P2RX6: variants seen among roughly 807,000 people sequenced by gnomAD.
P2RX6 encodes the protein purinergic receptor P2X 6.
A neutral mutation model predicts 54.2 loss-of-function variants in P2RX6; 62 were observed. The ratio of observed to expected loss-of-function variants is 1.14; its 90% CI spans 0.93 to 1.41. P2RX6 has a LOEUF of 1.41. Among genes scored for constraint, P2RX6 ranks in the 40% most tolerant of loss-of-function variants. P2RX6 has a pLI of 0.00. For missense variants in P2RX6, 541 were observed against 566.3 expected, an observed-to-expected ratio of 0.96 and a Z score of 0.45; for synonymous variants, 211 against 231.9, an observed-to-expected ratio of 0.91 and a Z score of 0.82.
chr22:21,021,484 A>G (rs1333372001), intron 3 of P2RX6, among the ~76,000 whole-genome samples: 1 of 152,124 alleles, frequency 6.6e-6, no homozygotes, highest in African/African-American at 2.4e-5. Context: ...GGAGAGGCAG[A>G]CACAGGACAT....
At chr22:21,012,523 C>A, upstream of P2RX6, 1 of 601,550 alleles carries the variant, frequency 1.7e-6, no homozygotes, top group South Asian at 1.6e-5. Flanking sequence ...GACCCAGCAC[C>A]TACCGCAGAT....
At chr22:21,015,137 C>T (rs529783593), upstream of P2RX6, 16 of 1,352,736 alleles carry the variant, frequency 1.2e-5, no homozygotes, top group Middle Eastern at 2.3e-4. Flanking sequence ...CCTGCTTTGC[C>T]TCCTGTTCAG....
At chr22:21,025,599 C>T (rs112983932) in intron 8 of P2RX6, among the ~76,000 whole-genome samples, 13 of 152,366 alleles carry the variant, frequency 8.5e-5, no homozygotes, top group African/African-American at 2.9e-4. Flanking sequence ...GTCCCCCGTC[C>T]TCTCAGCAGG....
upstream of P2RX6, among the ~76,000 whole-genome samples, chr22:21,014,474 C>G (rs1231205740): frequency 1.3e-5 from 2 of 152,218 alleles, no homozygotes; most frequent in Non-Finnish European, 2.9e-5. Flanking sequence ...ATAAACTGCA[C>G]GCGCCACGGG....
intron 5 of P2RX6, 29 bp downstream of exon 5, chr22:21,023,064 A>G (rs1250306615): frequency 6.2e-7 from 1 of 1,608,466 alleles, no homozygotes; most frequent in South Asian, 1.1e-5. Flanking sequence ...CCCTACCCCA[A>G]CTGGCGCAGG....
intron 3 of P2RX6, among the ~76,000 whole-genome samples, chr22:21,022,470 C>T (rs370847960): frequency 6.6e-6 from 1 of 152,200 alleles, no homozygotes; most frequent in African/African-American, 2.4e-5. Context: ...GCTCCGCTCC[C>T]TCCTCTGACC....
chr22:21,024,194 G>A (rs931213582), intron 8 of P2RX6, among the ~76,000 whole-genome samples: 10 of 151,570 alleles, frequency 6.6e-5, no homozygotes, highest in Non-Finnish European at 1.5e-4. Context: ...CCTGACCTCA[G>A]GTGATCCACC....
At chr22:21,024,791 G>A (rs138356860) in intron 8 of P2RX6, among the ~76,000 whole-genome samples, 19,912 of 148,546 alleles carry the variant, frequency 0.13, 1,777 homozygotes, top group Non-Finnish European at 0.19. Context: ...GGCTGGTCTC[G>A]AACTTCTGAC....
chr22:21,023,069 C>G, intron 5 of P2RX6, 34 bp downstream of exon 5: 2 of 1,608,248 alleles, frequency 1.2e-6, no homozygotes, highest in Non-Finnish European at 1.7e-6. Flanking sequence ...CCCCAACTGG[C>G]GCAGGGCCCC....
intron 2 of P2RX6, 98 bp downstream of exon 2, chr22:21,016,190 T>A: frequency 3.1e-6 from 4 of 1,271,688 alleles, no homozygotes; most frequent in Non-Finnish European, 4.4e-6. Flanking sequence ...GAGAAGCATG[T>A]GATGCCAGAG....
upstream of P2RX6, chr22:21,011,531 G>GGGC (rs1210703405): frequency 1.4e-6 from 1 of 714,282 alleles, no homozygotes; most frequent in Non-Finnish European, 2.6e-6. Context: ...TTCACTGTGA[G>GGGC]GGCGGCACAG....
chr22:21,023,666 C>T, intron 8 of P2RX6, 48 bp downstream of exon 8: 1 of 1,401,134 alleles, frequency 7.1e-7, no homozygotes, highest in Non-Finnish European at 9.9e-7. Flanking sequence ...CCATCGCCCT[C>T]TCACTGTGGC....
upstream of P2RX6, among the ~76,000 whole-genome samples, chr22:21,010,555 T>C (rs1925680625): frequency 6.6e-6 from 1 of 152,116 alleles, no homozygotes; most frequent in African/African-American, 2.4e-5. Flanking sequence ...AAAATGCAGA[T>C]TCACTGGCAT....
chr22:21,011,615 C>G (rs769351992), upstream of P2RX6: 5 of 712,212 alleles, frequency 7.0e-6, no homozygotes, highest in Non-Finnish European at 1.3e-5. Context: ...CACTCCTCAG[C>G]CAGTGGGATG....
upstream of P2RX6, among the ~76,000 whole-genome samples, chr22:21,011,021 A>G (rs559880926): frequency 2.0e-3 from 302 of 152,222 alleles, 1 homozygote; most frequent in South Asian, 0.017. Flanking sequence ...TCTTTAAAGC[A>G]GGGGGTCCCC....
upstream of P2RX6, among the ~76,000 whole-genome samples, chr22:21,014,516 C>A (rs1926012524): frequency 6.6e-6 from 1 of 152,192 alleles, no homozygotes; most frequent in African/African-American, 2.4e-5. Context: ...TTGTGGGCAT[C>A]CTCCCTGCCT....
chr22:21,015,407 G>T, intron 1 of P2RX6, 69 bp downstream of exon 1: 3 of 1,485,250 alleles, frequency 2.0e-6, no homozygotes, highest in Non-Finnish European at 1.8e-6. Flanking sequence ...GCTTGGTCCT[G>T]CTGGGTTGAA....
rs768671173 is a variant in P2RX6, at chr22:21,026,110, C to T, written c.1050+34C>T. ...GAGCACTGTGGGCACCTGCAGGCTG[C>T]AGTGAGTGCTGCTGACCAGGGTGTG... On this transcript the variant is annotated intron_variant, in intron 10 of 11. Coordinates refer to ENST00000413302, the MANE Select transcript of P2RX6 (RefSeq NM_005446.5). The surrounding 1 kb of genome is among the most constrained non-coding windows in gnomAD (Gnocchi z 4.0). The T allele has an allele frequency of 1.3e-6, 2 of 1,590,600 alleles. No homozygotes were observed. The highest frequency in any genetic ancestry group is 1.7e-5 in the Admixed American group (1 of 57,222).
At position 21,022,294 on chromosome 22, in the gene P2RX6, A is replaced by G. The variant is rs542737270; in HGVS notation, c.388-382A>G. ...AATACTGAGGTGAGAGGATTGCTTAAGCCCGGGAGGGCGAGGCTGTAGTGA... is the reference window on the plus strand; with the variant it reads ...AATACTGAGGTGAGAGGATTGCTTAGGCCCGGGAGGGCGAGGCTGTAGTGA... On this transcript the variant is annotated intron_variant, in intron 3 of 11. Transcript: ENST00000413302. Among the ~76,000 whole-genome samples, 7 of 152,360 alleles carry G rather than the reference A, an allele frequency of 4.6e-5. No homozygotes were observed. In the South Asian group the frequency reaches 1.5e-3, roughly 32 times the overall value.
Sources: gnomAD v4.1 joint callset for allele counts (sites outside exome capture counted in the v4.1 genomes callset) on GRCh38, gnomAD v4.1.1 for gene constraint, Gnocchi (gnomAD v3.1) non-coding constraint, MANE v1.5 for transcripts, NCBI Gene and HGNC (gene_info 2026-07-23, HGNC 2026-07-21) for gene names.